The following NRG3 variants were observed in gnomAD, a reference collection of about 807,000 sequenced individuals.
NRG3 encodes pro-neuregulin-3, membrane-bound isoform.
In NRG3, 31 loss-of-function variants were observed where a neutral mutation model predicts 66.9. The observed-to-expected ratio is 0.46, with a 90% CI of 0.35 to 0.63. The LOEUF is 0.63. NRG3 is among the 20% of genes least tolerant of loss of function. The probability of loss-of-function intolerance (pLI) is 0.00; values close to 1 mark genes in which losing one functional copy is unlikely to be tolerated. For synonymous variants in NRG3, 393 were observed against 359.4 expected (o/e 1.09, Z -1.06); for missense variants, 910 against 878.9 (o/e 1.04, Z -0.45).
chr10:82,830,449 T>A (rs148213782), intron 3 of NRG3, among the ~76,000 whole-genome samples: 11 of 152,322 alleles, frequency 7.2e-5, no homozygotes, highest in Non-Finnish European at 1.5e-4. Context: ...TGAGTTATAT[T>A]TTCAGCTACC....
chr10:82,548,557 A>G (rs888405938), intron 2 of NRG3, among the ~76,000 whole-genome samples: 2 of 147,654 alleles, frequency 1.4e-5, no homozygotes, highest in East Asian at 2.0e-4. Flanking sequence ...ACACACACAC[A>G]CACGCACACG....
At chr10:82,101,004 C>T (rs1028267989) in intron 1 of NRG3, among the ~76,000 whole-genome samples, 3 of 152,012 alleles carry the variant, frequency 2.0e-5, no homozygotes, top group African/African-American at 7.2e-5. Context: ...GTTTTTAACA[C>T]ACATTAGTTC....
intron 2 of NRG3, among the ~76,000 whole-genome samples, chr10:82,443,059 T>G (rs561019175): frequency 6.6e-6 from 1 of 152,222 alleles, no homozygotes; most frequent in East Asian, 1.9e-4. Flanking sequence ...GCATTTAGAT[T>G]TGAATCTGAT....
chr10:82,765,694 A>T (rs996086888), intron 3 of NRG3, among the ~76,000 whole-genome samples: 3 of 152,180 alleles, frequency 2.0e-5, no homozygotes, highest in Non-Finnish European at 4.4e-5. Flanking sequence ...TTTGATGGAA[A>T]ATTATTGTTG....
intron 2 of NRG3, among the ~76,000 whole-genome samples, chr10:82,604,587 C>T (rs893998807): frequency 6.6e-6 from 1 of 152,088 alleles, no homozygotes; most frequent in Non-Finnish European, 1.5e-5. Flanking sequence ...CACTATTTGA[C>T]TTGAGGACAT....
intron 1 of NRG3, among the ~76,000 whole-genome samples, chr10:82,202,038 C>T (rs895954524): frequency 2.6e-5 from 4 of 152,062 alleles, no homozygotes; most frequent in Non-Finnish European, 5.9e-5. Context: ...TCTTGAAGAC[C>T]TACTGAGTAC....
intron 3 of NRG3, among the ~76,000 whole-genome samples, chr10:82,773,596 T>G (rs955012241): frequency 6.6e-6 from 1 of 152,154 alleles, no homozygotes; most frequent in Non-Finnish European, 1.5e-5. Context: ...TTAATATAGA[T>G]CCATTTATTT....
At chr10:82,167,424 C>T (rs1487579366) in intron 1 of NRG3, among the ~76,000 whole-genome samples, 1 of 151,994 alleles carries the variant, frequency 6.6e-6, no homozygotes, top group Admixed American at 6.6e-5. Context: ...ATTCTTAAGT[C>T]TGAATATGAC....
At chr10:82,846,829 A>G (rs2063330021) in intron 3 of NRG3, among the ~76,000 whole-genome samples, 1 of 152,228 alleles carries the variant, frequency 6.6e-6, no homozygotes, top group Non-Finnish European at 1.5e-5. Context: ...TTGTGGTGCA[A>G]ACAGAACCAC....
intron 2 of NRG3, among the ~76,000 whole-genome samples, chr10:82,639,935 C>CAAT (rs1458644409): frequency 1.3e-5 from 2 of 152,096 alleles, no homozygotes; most frequent in Non-Finnish European, 2.9e-5. Context: ...CTCCACCCTC[C>CAAT]AATAGGCCCC....
chr10:82,925,677 A>G (rs1846913665), intron 4 of NRG3, among the ~76,000 whole-genome samples: 1 of 152,224 alleles, frequency 6.6e-6, no homozygotes, highest in South Asian at 2.1e-4. Flanking sequence ...GGGTTTATAC[A>G]TAGATGATGA....
At chr10:82,591,955 C>G (rs1259581748) in intron 2 of NRG3, among the ~76,000 whole-genome samples, 1 of 152,170 alleles carries the variant, frequency 6.6e-6, no homozygotes, top group African/African-American at 2.4e-5. Context: ...TCTAGTTTTT[C>G]TCCAGTGCCA....
chr10:82,219,317 A>T (rs1371055974), intron 1 of NRG3, among the ~76,000 whole-genome samples: 1 of 147,710 alleles, frequency 6.8e-6, no homozygotes, highest in African/African-American at 2.5e-5. Context: ...TTTTTTGGCA[A>T]TAAAAAATAT....
intron 2 of NRG3, among the ~76,000 whole-genome samples, chr10:82,678,065 C>T (rs565578381): frequency 1.1e-4 from 17 of 152,268 alleles, no homozygotes; most frequent in Non-Finnish European, 1.2e-4. Context: ...AGTTAAACTC[C>T]GCCATTTTGC....
chr10:82,657,612 C>T (rs1170561848), intron 2 of NRG3, among the ~76,000 whole-genome samples: 1 of 151,666 alleles, frequency 6.6e-6, no homozygotes, highest in African/African-American at 2.4e-5. Context: ...ACTATATTCA[C>T]CCTGGGGAAA....
intron 4 of NRG3, among the ~76,000 whole-genome samples, chr10:82,941,169 C>T (rs1253343206): frequency 1.3e-5 from 2 of 152,072 alleles, no homozygotes; most frequent in Non-Finnish European, 2.9e-5. Flanking sequence ...TAGCAAGGCT[C>T]AGGGAGCTGG....
chr10:82,869,108 G>T (rs892459020), intron 4 of NRG3, among the ~76,000 whole-genome samples: 5 of 152,172 alleles, frequency 3.3e-5, no homozygotes, highest in Non-Finnish European at 7.3e-5. Context: ...GGGAAATGTA[G>T]GCATAGTCTA....
At chr10:82,168,334 TCCCA>T (rs1203749908) in intron 1 of NRG3, among the ~76,000 whole-genome samples, 2 of 152,076 alleles carry the variant, frequency 1.3e-5, no homozygotes, top group African/African-American at 4.8e-5. Flanking sequence ...TCTTGGAAGA[TCCCA>T]GTAGGAAACC....
intron 1 of NRG3, among the ~76,000 whole-genome samples, chr10:82,194,626 A>G (rs12220593): frequency 6.6e-6 from 1 of 152,044 alleles, no homozygotes; most frequent in African/African-American, 2.4e-5. Context: ...TACACAGCTC[A>G]CTACATGAGT....
Sources: allele counts gnomAD v4.1 joint callset (sites outside exome capture counted in the v4.1 genomes callset), GRCh38; gene constraint gnomAD v4.1.1; transcripts MANE v1.5; gene names NCBI Gene and HGNC (gene_info 2026-07-23, HGNC 2026-07-21).